Variants in DNAH14 observed in about 807,000 individuals in gnomAD.
DNAH14 encodes the protein axonemal beta dynein heavy chain 14.
DNAH14 carries 478 observed loss-of-function variants against 520.9 expected under a neutral mutation model. The observed-to-expected ratio is 0.92, with a 90% CI of 0.85 to 0.99. DNAH14 has a LOEUF of 0.99. Ranked by LOEUF, DNAH14 falls within the 50% of genes least tolerant of loss-of-function variation. The pLI is 0.00. For synonymous variants in DNAH14, 1,581 were observed against 1,757.2 expected, an observed-to-expected ratio of 0.90 and a Z score of 2.51; for missense variants, 4,831 against 5,234.5, an observed-to-expected ratio of 0.92 and a Z score of 2.38.
chr1:225,176,413 A>G (rs2083335959), intron 36 of DNAH14, among the ~76,000 whole-genome samples: 1 of 152,208 alleles, frequency 6.6e-6, no homozygotes, highest in Non-Finnish European at 1.5e-5. Context: ...GTTAAAAATA[A>G]TGTCTATGTT....
chr1:224,948,645 C>T (rs2059990374), intron 1 of DNAH14, among the ~76,000 whole-genome samples: 1 of 151,846 alleles, frequency 6.6e-6, no homozygotes, highest in Non-Finnish European at 1.5e-5. Context: ...ATCTTTCTGT[C>T]TCCTCTTAGA....
At chr1:225,045,414 A>G (rs760464892) in intron 15 of DNAH14, among the ~76,000 whole-genome samples, 1 of 152,040 alleles carries the variant, frequency 6.6e-6, no homozygotes, top group Non-Finnish European at 1.5e-5. Flanking sequence ...TAATGAAATG[A>G]TAGATTTTAT....
intron 64 of DNAH14, among the ~76,000 whole-genome samples, chr1:225,329,792 C>T (rs771677568): frequency 3.3e-5 from 5 of 151,966 alleles, no homozygotes; most frequent in African/African-American, 4.8e-5. Context: ...AAAGCAAACA[C>T]GGGCTAATGG....
At chr1:225,027,042 T>A (rs913278093) in intron 11 of DNAH14, among the ~76,000 whole-genome samples, 1 of 152,144 alleles carries the variant, frequency 6.6e-6, no homozygotes, top group African/African-American at 2.4e-5. Context: ...TTTTAAATTT[T>A]ATTTTTCGGT....
intron 23 of DNAH14, among the ~76,000 whole-genome samples, chr1:225,108,818 C>T (rs558277833): frequency 6.6e-5 from 10 of 152,188 alleles, no homozygotes; most frequent in South Asian, 2.1e-4. Context: ...ATTTCCACAG[C>T]GTTTTCTTTT....
At position 225,210,452 on chromosome 1, in the gene DNAH14, CCT is replaced by C. The variant is rs151307331; in HGVS notation, c.6439+3237_6439+3238del. On this transcript the variant is annotated intron_variant, in intron 41 of 85. Transcript: ENST00000682510. ...CCGCAAAGCCACTGTATCCAGACTG[CCT>C]CTCTAGATTCCTCCTCTCTGGGCAG... 5.0e-3 allele frequency among the ~76,000 whole-genome samples: 761 copies of C among 152,282 alleles called. 7 individuals are homozygous for C. Among genetic ancestry groups the C allele is most frequent in the African/African-American group, 0.017 (718 of 41,546 alleles).
At chr1:225,236,548 C>A (rs1475598947) in intron 42 of DNAH14, among the ~76,000 whole-genome samples, 2 of 152,096 alleles carry the variant, frequency 1.3e-5, no homozygotes, top group African/African-American at 2.4e-5. Context: ...CCACTTAATC[C>A]AGAGCTGAGT....
chr1:225,290,201 C>G lies in DNAH14; in HGVS notation c.8469+119C>G, dbSNP rs996699024. 3 of 657,962 alleles carry G rather than the reference C, an allele frequency of 4.6e-6. No individual in the cohort carries two copies. The African/African-American group carries it at 5.5e-5, about 12-fold the overall frequency. The allele number at this position is 657,962 out of a possible 1,614,324, so 40.8% of individuals were successfully genotyped here. A position where few individuals can be genotyped will look rare whatever the true frequency, so the allele number is the denominator to read the frequency against. On this transcript the variant is annotated intron_variant, in intron 55 of 85. Coordinates refer to ENST00000682510, the MANE Select transcript of DNAH14 (RefSeq NM_001367479.1). The stretch of plus-strand genomic sequence containing the variant: ...AATATTTATCAATGGTTCTATTACC[C>G]TACAATATCAGTTTTCTTGCAGTAT...
At position 225,273,154 on chromosome 1, in the gene DNAH14, C is replaced by T. The variant is rs768925597; in HGVS notation, c.8010+29C>T. On this transcript the variant is annotated intron_variant, in intron 52 of 85. Transcript: ENST00000682510. ...AATTTATATTTTAAAAATTATTGGC[C>T]GGGTGTGGTGGCTTACGCCTGTAAT... 3.7e-5 allele frequency: 57 copies of T among 1,532,212 alleles called. No individual in the cohort carries two copies. The Admixed American group carries it at 4.5e-4, about 12-fold the overall frequency. 94.9% of individuals were successfully genotyped at this position (1,532,212 alleles called of 1,614,324 possible). A position where few individuals can be genotyped will look rare whatever the true frequency, so the allele number is the denominator to read the frequency against.
At chr1:225,253,628 T>G (rs2149717924) in intron 44 of DNAH14, among the ~76,000 whole-genome samples, 1 of 152,234 alleles carries the variant, frequency 6.6e-6, no homozygotes, top group Non-Finnish European at 1.5e-5. Flanking sequence ...TAATCTGTTA[T>G]CAGAAGATGT....
At chr1:225,080,130 CTGGTGACTTTTACCAT>C (rs373735479) in intron 18 of DNAH14, among the ~76,000 whole-genome samples, 1 of 152,154 alleles carries the variant, frequency 6.6e-6, no homozygotes, top group African/African-American at 2.4e-5. Flanking sequence ...AGCAGCATGG[CTGGTGACTTTTACCAT>C]AGGCTTCAAG....
intron 73 of DNAH14, among the ~76,000 whole-genome samples, chr1:225,356,504 AGATT>A (rs778856482): frequency 4.6e-5 from 7 of 152,218 alleles, no homozygotes; most frequent in Non-Finnish European, 8.8e-5. Flanking sequence ...AACTTCAGAC[AGATT>A]GATACCTCAA....
At chr1:225,041,579 A>C (rs1312879343) in intron 12 of DNAH14, among the ~76,000 whole-genome samples, 1 of 152,218 alleles carries the variant, frequency 6.6e-6, no homozygotes, top group African/African-American at 2.4e-5. Context: ...ATAGCCTTTG[A>C]CAAATTAAGC....
intron 83 of DNAH14, among the ~76,000 whole-genome samples, chr1:225,390,716 A>C (rs1454963633): frequency 1.3e-5 from 2 of 152,212 alleles, no homozygotes; most frequent in Non-Finnish European, 1.5e-5. Context: ...CGTGGAGCTT[A>C]CATGGTACTT....
intron 11 of DNAH14, among the ~76,000 whole-genome samples, chr1:225,025,898 T>G (rs999149385): frequency 1.3e-5 from 2 of 152,174 alleles, no homozygotes; most frequent in Non-Finnish European, 2.9e-5. Context: ...CCATAATGAC[T>G]AATGATATTG....
intron 17 of DNAH14, among the ~76,000 whole-genome samples, chr1:225,065,754 T>G (rs2070800331): frequency 6.6e-6 from 1 of 152,132 alleles, no homozygotes; most frequent in African/African-American, 2.4e-5. Flanking sequence ...TACATTTTAT[T>G]TGTCCATTCA....
intron 17 of DNAH14, among the ~76,000 whole-genome samples, chr1:225,068,001 C>A (rs2071099207): frequency 6.6e-6 from 1 of 152,136 alleles, no homozygotes; most frequent in East Asian, 1.9e-4. Context: ...CTTTTGGCAT[C>A]TTCATCATGA....
At chr1:225,335,709 G>GTACACA (rs2094980510) in intron 66 of DNAH14, among the ~76,000 whole-genome samples, 3 of 83,040 alleles carry the variant, frequency 3.6e-5, no homozygotes, top group Non-Finnish European at 7.5e-5. Context: ...GTGCATATAT[G>GTACACA]TATATACGCA....
intron 38 of DNAH14, among the ~76,000 whole-genome samples, chr1:225,199,287 C>G (rs1351515801): frequency 1.3e-5 from 2 of 151,652 alleles, no homozygotes; most frequent in Admixed American, 6.6e-5. Flanking sequence ...TTCAGAGAAC[C>G]AGCTTTTTGT....
Sources: gnomAD v4.1 joint callset for allele counts (sites outside exome capture counted in the v4.1 genomes callset) on GRCh38, gnomAD v4.1.1 for gene constraint, MANE v1.5 for transcripts, NCBI Gene and HGNC (gene_info 2026-07-23, HGNC 2026-07-21) for gene names.